SEMA3A: variants seen among roughly 807,000 people sequenced by gnomAD.
SEMA3A encodes the protein semaphorin-3A.
Under a neutral mutation model 97.9 loss-of-function variants are expected in SEMA3A, and 29 were observed. That is an observed-to-expected ratio of 0.30 (90% CI 0.22 to 0.40). The LOEUF (loss-of-function observed/expected upper bound fraction) is 0.40. Ranked by LOEUF, SEMA3A falls within the 10% of genes least tolerant of loss-of-function variation. The pLI, the probability that SEMA3A is intolerant of heterozygous loss-of-function variation, is 1.00. For synonymous variants in SEMA3A, 321 were observed against 323.7 expected, an observed-to-expected ratio of 0.99 and a Z score of 0.09; for missense variants, 763 against 951.3, an observed-to-expected ratio of 0.80 and a Z score of 2.60.
At chr7:84,219,211 T>A (rs995732322) in intron 3 of SEMA3A, among the ~76,000 whole-genome samples, 1 of 152,184 alleles carries the variant, frequency 6.6e-6, no homozygotes, top group African/African-American at 2.4e-5. Flanking sequence ...TTATATCTAA[T>A]AATTTTATAT....
At chr7:84,224,960 C>G (rs568510223) in intron 3 of SEMA3A, among the ~76,000 whole-genome samples, 2 of 152,002 alleles carry the variant, frequency 1.3e-5, no homozygotes, top group East Asian at 3.9e-4. Context: ...TATAGCCCCC[C>G]CTAGTATATG....
intron 2 of SEMA3A, among the ~76,000 whole-genome samples, chr7:84,132,515 T>C (rs1228544701): frequency 1.3e-5 from 2 of 152,020 alleles, no homozygotes; most frequent in African/African-American, 2.4e-5. Flanking sequence ...TATATAATCT[T>C]AGGTATTCTA....
intron 3 of SEMA3A, among the ~76,000 whole-genome samples, chr7:84,249,391 C>CTATT (rs1482711476): frequency 6.6e-6 from 1 of 151,566 alleles, no homozygotes; most frequent in Non-Finnish European, 1.5e-5. Flanking sequence ...ATCTATCTAT[C>CTATT]TATCTATCTA....
At chr7:84,054,081 C>A (rs1302108582) in intron 5 of SEMA3A, among the ~76,000 whole-genome samples, 74 of 151,702 alleles carry the variant, frequency 4.9e-4, no homozygotes, top group East Asian at 7.8e-4. Flanking sequence ...CTGAGAGATC[C>A]GCTGTTAGTC....
chr7:84,064,103 G>A (rs927386836), intron 4 of SEMA3A, among the ~76,000 whole-genome samples: 3 of 152,168 alleles, frequency 2.0e-5, no homozygotes, highest in African/African-American at 7.2e-5. Context: ...GAAGAGAGGG[G>A]GGGCCAATAT....
At position 84,060,539 on chromosome 7, in the gene SEMA3A, T is replaced by C. The variant is rs1793175144; in HGVS notation, c.473A>G (p.Glu158Gly). Residue 158 changes from glutamate (E) to glycine (G), a missense_variant, in exon 5 of 17, where the codon GAG (glutamate) becomes GGG (glycine). Transcript: ENST00000265362. ...HHPEDNIFKL[E>G]NSHFENGRGK... ...ACGGCCGTTTTCAAAATGTGAGTTC[T>C]CCAGCTTAAAAATATTGTCCTGTGG... is the stretch of plus-strand genomic sequence containing the variant. 3.1e-6 allele frequency: 5 copies of C among 1,593,224 alleles called. No individual in the cohort carries two copies. The East Asian group carries it at 1.1e-4, about 36-fold the overall frequency.
At chr7:84,116,157 G>A (rs1313337857) in intron 3 of SEMA3A, among the ~76,000 whole-genome samples, 1 of 151,890 alleles carries the variant, frequency 6.6e-6, no homozygotes, top group Admixed American at 6.6e-5. Flanking sequence ...AATTTTTGTT[G>A]GAGTCTTTAA....
At chr7:84,070,300 T>C (rs1793692128) in intron 4 of SEMA3A, among the ~76,000 whole-genome samples, 1 of 152,172 alleles carries the variant, frequency 6.6e-6, no homozygotes, top group African/African-American at 2.4e-5. Context: ...CCTTTGTCTT[T>C]TGGATTTCCT....
intron 2 of SEMA3A, among the ~76,000 whole-genome samples, chr7:84,363,366 C>A (rs1299845851): frequency 2.0e-5 from 3 of 151,854 alleles, no homozygotes; most frequent in African/African-American, 7.2e-5. Context: ...CTTTTTCACT[C>A]TCGGACATTC....
chr7:84,432,250 G>C (rs922558320), intron 1 of SEMA3A, among the ~76,000 whole-genome samples: 2 of 152,054 alleles, frequency 1.3e-5, no homozygotes, highest in African/African-American at 4.8e-5. Flanking sequence ...GAGAAAAACA[G>C]AATCAACATA....
intron 3 of SEMA3A, among the ~76,000 whole-genome samples, chr7:84,300,319 C>A (rs1800979779): frequency 6.6e-6 from 1 of 151,914 alleles, no homozygotes; most frequent in Non-Finnish European, 1.5e-5. Context: ...AAATTTCCCA[C>A]AACTGAAGGG....
At chr7:84,071,417 C>T (rs972125525) in intron 4 of SEMA3A, among the ~76,000 whole-genome samples, 2 of 152,068 alleles carry the variant, frequency 1.3e-5, no homozygotes, top group Admixed American at 6.6e-5. Flanking sequence ...ACACTGAAAA[C>T]ATTAGTTTAG....
At position 84,318,371 on chromosome 7, in the gene SEMA3A, G is replaced by A. The variant is rs1365938031; in HGVS notation, c.-168-11079C>T. Among the ~76,000 whole-genome samples the A allele has an allele frequency of 4.7e-5, 6 of 127,266 alleles. No homozygotes were observed. In the East Asian group the frequency reaches 1.5e-3, roughly 32 times the overall value. 83.5% of individuals were successfully genotyped at this position (127,266 alleles called of 152,430 possible). On this transcript the variant is annotated intron_variant, in intron 2 of 3. Coordinates refer to the SEMA3A transcript ENST00000424555. ...GGAGTCTCGCTCTGTCGCCCAGGAT[G>A]GAGTGCAGTGGCGGGATCTCGGCTC...
At chr7:84,128,506 A>C (rs2116016595) in intron 3 of SEMA3A, among the ~76,000 whole-genome samples, 1 of 152,266 alleles carries the variant, frequency 6.6e-6, no homozygotes, top group Non-Finnish European at 1.5e-5. Context: ...TTTGTTAATT[A>C]GTTTTTCCAT....
At chr7:84,404,254 C>G (rs1290230224) in intron 1 of SEMA3A, among the ~76,000 whole-genome samples, 1 of 152,056 alleles carries the variant, frequency 6.6e-6, no homozygotes, top group Non-Finnish European at 1.5e-5. Context: ...AATGCACAAG[C>G]CTCAGTAACC....
intron 1 of SEMA3A, among the ~76,000 whole-genome samples, chr7:84,192,680 C>A (rs1798085540): frequency 6.6e-6 from 1 of 151,780 alleles, no homozygotes; most frequent in Admixed American, 6.6e-5. Flanking sequence ...GGAGAGTAAC[C>A]TATTATCATG....
intron 13 of SEMA3A, among the ~76,000 whole-genome samples, chr7:83,984,885 A>G (rs1789565633): frequency 2.6e-5 from 4 of 151,904 alleles, no homozygotes; most frequent in Non-Finnish European, 5.9e-5. Flanking sequence ...TTTGATATTT[A>G]GCCAAAGTTA....
intron 1 of SEMA3A, among the ~76,000 whole-genome samples, chr7:84,443,214 C>T (rs750373536): frequency 4.5e-4 from 68 of 152,104 alleles, no homozygotes; most frequent in Non-Finnish European, 8.5e-4. Flanking sequence ...CAGGATATAT[C>T]ATACATTAGG....
At chr7:84,063,247 T>C (rs1244493140) in intron 4 of SEMA3A, among the ~76,000 whole-genome samples, 2 of 150,598 alleles carry the variant, frequency 1.3e-5, no homozygotes, top group African/African-American at 4.9e-5. Context: ...AGAAAGGACA[T>C]CCACACCAAA....
Sources: gnomAD v4.1 joint callset for allele counts (sites outside exome capture counted in the v4.1 genomes callset) on GRCh38, gnomAD v4.1.1 for gene constraint, MANE v1.5 for transcripts, NCBI Gene and HGNC (gene_info 2026-07-23, HGNC 2026-07-21) for gene names.